RASSF8: variants seen among roughly 807,000 people sequenced by gnomAD.
The protein encoded by RASSF8 is ras association domain-containing protein 8.
In RASSF8, 22 loss-of-function variants were observed where a neutral mutation model predicts 48.5. The ratio of observed to expected loss-of-function variants is 0.45; its 90% CI spans 0.32 to 0.65. RASSF8 has a LOEUF of 0.65. Ranked by LOEUF, RASSF8 falls within the 30% of genes least tolerant of loss-of-function variation. RASSF8 has a pLI of 0.03. For missense variants in RASSF8, 418 were observed against 489.2 expected, an observed-to-expected ratio of 0.85 and a Z score of 1.37; for synonymous variants, 127 against 171.5, an observed-to-expected ratio of 0.74 and a Z score of 2.03.
intron 2 of RASSF8, among the ~76,000 whole-genome samples, chr12:26,030,491 G>A (rs199940960): frequency 5.3e-5 from 8 of 152,062 alleles, no homozygotes; most frequent in East Asian, 3.8e-4. Context: ...CTTTTATTCC[G>A]GTATTGGGTT....
At chr12:26,068,639 T>C in intron 5 of RASSF8, 58 bp from the exon 6 acceptor site, 1 of 1,331,180 alleles carries the variant, frequency 7.5e-7, no homozygotes, top group South Asian at 1.3e-5. Flanking sequence ...ATTTTTTATA[T>C]TGCTAAGTAC....
chr12:26,038,167 C>T (rs1475860994), intron 2 of RASSF8, among the ~76,000 whole-genome samples: 6 of 152,144 alleles, frequency 3.9e-5, no homozygotes, highest in African/African-American at 1.4e-4. Flanking sequence ...ATAGTTTGCT[C>T]TCAGACCCTA....
At chr12:26,078,597 A>G (rs1944090813) in intron 5 of RASSF8, among the ~76,000 whole-genome samples, 1 of 152,244 alleles carries the variant, frequency 6.6e-6, no homozygotes. Flanking sequence ...TATTTTAAAT[A>G]TAAACACATG....
At chr12:26,018,625 G>C (rs1187717188) in intron 2 of RASSF8, among the ~76,000 whole-genome samples, 2 of 152,160 alleles carry the variant, frequency 1.3e-5, no homozygotes, top group Non-Finnish European at 2.9e-5. Flanking sequence ...CCAGCAGAAA[G>C]GGGGTGTAGG....
At chr12:26,038,261 T>A (rs1834478354) in intron 2 of RASSF8, among the ~76,000 whole-genome samples, 1 of 152,168 alleles carries the variant, frequency 6.6e-6, no homozygotes, top group Admixed American at 6.5e-5. Flanking sequence ...GAAATAGAAC[T>A]GACTAGATGA....
intron 1 of RASSF8, among the ~76,000 whole-genome samples, chr12:25,975,050 G>A (rs1012158676): frequency 6.6e-6 from 1 of 152,190 alleles, no homozygotes; most frequent in African/African-American, 2.4e-5. Context: ...GGTTCCCAGG[G>A]TGGGGTTGGG....
intron 5 of RASSF8, 144 bp from the exon 6 acceptor site, chr12:26,068,553 C>T (rs1591821562): frequency 3.1e-6 from 2 of 646,504 alleles, no homozygotes; most frequent in Admixed American, 2.9e-5. Flanking sequence ...TTAGCCTTCT[C>T]CCCCAGCCCA....
chr12:26,034,406 T>A (rs1370261845), intron 2 of RASSF8, among the ~76,000 whole-genome samples: 2 of 144,378 alleles, frequency 1.4e-5, no homozygotes, highest in Admixed American at 6.9e-5. Flanking sequence ...GCAGATGAAG[T>A]AAAAAAAAAA....
chr12:25,969,287 C>A (rs915573752), intron 1 of RASSF8, among the ~76,000 whole-genome samples: 1 of 152,144 alleles, frequency 6.6e-6, no homozygotes, highest in African/African-American at 2.4e-5. Flanking sequence ...CAACCGTCTG[C>A]CTGCTGGCTG....
In RASSF8 at chr12:26,035,899, CAT is replaced by C. The variant is rs948566128; in HGVS notation, c.-108-19332_-108-19331del. ...ATTATATATTATATATAATTATAAT[CAT>C]ATATGATTTCATATATATGATATAT... On this transcript the variant is annotated intron_variant, in intron 2 of 5. Transcript: ENST00000689635. Among the ~76,000 whole-genome samples, 48 of 142,778 alleles carry C rather than the reference CAT, an allele frequency of 3.4e-4. No homozygotes were observed. The East Asian group carries it at 4.6e-3, about 14-fold the overall frequency. 93.7% of individuals were successfully genotyped at this position (142,778 alleles called of 152,430 possible). A position where few individuals can be genotyped will look rare whatever the true frequency, so the allele number is the denominator to read the frequency against.
chr12:26,033,911 G>A (rs1943077696), intron 2 of RASSF8, among the ~76,000 whole-genome samples: 1 of 152,022 alleles, frequency 6.6e-6, no homozygotes, highest in Non-Finnish European at 1.5e-5. Flanking sequence ...ATGGGGATGA[G>A]AATAAAAACA....
At chr12:25,993,515 A>G (rs1308147830) in intron 1 of RASSF8, among the ~76,000 whole-genome samples, 1 of 152,222 alleles carries the variant, frequency 6.6e-6, no homozygotes, top group Admixed American at 6.5e-5. Context: ...ACCAGGCTAG[A>G]CTTCAGACAG....
intron 1 of RASSF8, among the ~76,000 whole-genome samples, chr12:25,988,864 T>C (rs965754810): frequency 1.3e-5 from 2 of 152,242 alleles, no homozygotes; most frequent in African/African-American, 2.4e-5. Context: ...AGAATTCCTA[T>C]AGTATGTTTA....
chr12:26,029,406 G>GACC lies in RASSF8; in HGVS notation c.-108-25829_-108-25827dup, dbSNP rs529711069. ...CTTTTTAATCTGTCTGGGGAAGGGT[G>GACC]ACCTCTGGTGGCTAAAACCATAAGC... On this transcript the variant is annotated intron_variant, in intron 2 of 5. Transcript: ENST00000689635. Among the ~76,000 whole-genome samples, 332 of 152,310 alleles carry GACC rather than the reference G, an allele frequency of 2.2e-3. 1 individual carries two copies. The highest frequency in any genetic ancestry group is 7.8e-3 in the African/African-American group (326 of 41,564).
intron 2 of RASSF8, among the ~76,000 whole-genome samples, chr12:26,000,449 A>G (rs1368542396): frequency 6.6e-6 from 1 of 152,188 alleles, no homozygotes; most frequent in Non-Finnish European, 1.5e-5. Context: ...ACCTGGGGAA[A>G]ATATTCAAGT....
intron 2 of RASSF8, among the ~76,000 whole-genome samples, chr12:26,038,686 G>T (rs1262589017): frequency 6.7e-6 from 1 of 149,668 alleles, no homozygotes; most frequent in Non-Finnish European, 1.5e-5. Context: ...TAATTTGCTT[G>T]GTTTCCAACA....
In RASSF8 at chr12:26,064,906, G is replaced by A. The variant is rs78627144; in HGVS notation, c.512G>A (p.Arg171His). 58 of 1,614,204 alleles carry A rather than the reference G, an allele frequency of 3.6e-5. No individual in the cohort carries two copies. In the East Asian group the frequency reaches 6.5e-4, roughly 18 times the overall value. Residue 171 changes from arginine (R) to histidine (H), a missense_variant, in exon 4 of 6, where the codon CGT (arginine) becomes CAT (histidine). Transcript: ENST00000689635. ...GCAGATGAGTTGAAGAAGCTAATCC[G>A]TCTGCAGACAGAGAAGCTTCAATCC... ...TTADELKKLI[R>H]LQTEKLQSIE...
At chr12:26,008,254 C>G (rs1300920228) in intron 2 of RASSF8, among the ~76,000 whole-genome samples, 1 of 151,460 alleles carries the variant, frequency 6.6e-6, no homozygotes, top group African/African-American at 2.4e-5. Context: ...CTGGGCAACA[C>G]AGCGAGACTC....
At chr12:26,022,130 A>G (rs1195240021) in intron 2 of RASSF8, among the ~76,000 whole-genome samples, 2 of 152,194 alleles carry the variant, frequency 1.3e-5, no homozygotes, top group Non-Finnish European at 2.9e-5. Flanking sequence ...AACATTGTTG[A>G]AAACAATAGA....
Sources: allele counts gnomAD v4.1 joint callset (sites outside exome capture counted in the v4.1 genomes callset), GRCh38; gene constraint gnomAD v4.1.1; transcripts MANE v1.5; gene names NCBI Gene and HGNC (gene_info 2026-07-23, HGNC 2026-07-21).